The following HOOK1 variants were observed in gnomAD, a reference collection of about 807,000 sequenced individuals.
HOOK1 encodes the protein hook microtubule tethering protein 1.
In HOOK1, 60 loss-of-function variants were observed where a neutral mutation model predicts 112.8. The ratio of observed to expected loss-of-function variants is 0.53; its 90% CI spans 0.43 to 0.66. The LOEUF is 0.66. HOOK1 is among the 30% of genes least tolerant of loss of function. The pLI, the probability that HOOK1 is intolerant of heterozygous loss-of-function variation, is 0.00. For synonymous variants in HOOK1, 294 were observed against 283.8 expected (o/e 1.04, Z -0.36); for missense variants, 770 against 856.0 (o/e 0.90, Z 1.25).
intron 2 of HOOK1, 52 bp from the exon 3 acceptor site, chr1:59,828,728 T>C: frequency 6.6e-7 from 1 of 1,520,494 alleles, no homozygotes; most frequent in Non-Finnish European, 9.1e-7. Flanking sequence ...ATTTAATTTT[T>C]TGTGTAATAA....
chr1:59,846,620 C>G (rs2098404201), intron 9 of HOOK1, among the ~76,000 whole-genome samples: 1 of 136,296 alleles, frequency 7.3e-6, no homozygotes, highest in Admixed American at 7.7e-5. Flanking sequence ...CTCTCTCTCT[C>G]TCATTCTTTC....
intron 21 of HOOK1, among the ~76,000 whole-genome samples, chr1:59,871,432 C>CT (rs1318795759): frequency 6.6e-6 from 1 of 152,062 alleles, no homozygotes; most frequent in Admixed American, 6.6e-5. Context: ...AATTTTTGCC[C>CT]ATAAAAGGTT....
intron 6 of HOOK1, among the ~76,000 whole-genome samples, chr1:59,836,005 AAACAGTCTCTGACCAG>A (rs952050313): frequency 4.6e-5 from 7 of 152,108 alleles, no homozygotes; most frequent in African/African-American, 1.7e-4. Context: ...AACGCAGGAT[AAACAGTCTCTGACCAG>A]AACAGTCTCT....
intron 11 of HOOK1, 111 bp downstream of exon 11, chr1:59,848,627 C>A: frequency 1.5e-6 from 1 of 689,458 alleles, no homozygotes; most frequent in Non-Finnish European, 2.4e-6. Context: ...ATGTAATAAG[C>A]TATGAACTTA....
chr1:59,857,756 A>T (rs2098411471), intron 12 of HOOK1, among the ~76,000 whole-genome samples: 1 of 152,238 alleles, frequency 6.6e-6, no homozygotes, highest in Non-Finnish European at 1.5e-5. Context: ...TGATTTAAAC[A>T]TGAACGTTCT....
At chr1:59,824,689 A>G (rs573397425) in intron 2 of HOOK1, among the ~76,000 whole-genome samples, 81 of 152,302 alleles carry the variant, frequency 5.3e-4, no homozygotes, top group Non-Finnish European at 7.9e-4. Flanking sequence ...ATATCTTTAT[A>G]AAGTGGTGTC....
chr1:59,825,737 T>C (rs1002659435), intron 2 of HOOK1, among the ~76,000 whole-genome samples: 13 of 152,222 alleles, frequency 8.5e-5, no homozygotes, highest in African/African-American at 3.1e-4. Flanking sequence ...GCTGTAATCA[T>C]TGAAATGTAC....
Position 59,865,965 on chromosome 1 carries a change from C to T in HOOK1, c.1838C>T (p.Ala613Val). The T allele has an allele frequency of 1.9e-6, 3 of 1,558,008 alleles. No individual in the cohort carries two copies. The highest frequency in any genetic ancestry group is 2.3e-5 in the East Asian group (1 of 43,150). ...EERYKMYLEK[A>V]RNVIKTLDPK... The stretch of plus-strand genomic sequence containing the variant: ...AGATATAAAATGTACTTGGAGAAAG[C>T]CAGAAATGTGAGTGACTTATCTTTC... Residue 613 changes from alanine to valine, a missense_variant, in exon 19 of 22, where the codon GCC becomes GTC. Ala to Val is a moderately conservative substitution (Grantham distance 64). Coordinates refer to ENST00000371208, the MANE Select transcript of HOOK1 (RefSeq NM_015888.6).
intron 5 of HOOK1, among the ~76,000 whole-genome samples, 191 bp from the exon 6 acceptor site, chr1:59,835,154 G>A (rs1238333637): frequency 1.3e-5 from 2 of 152,104 alleles, no homozygotes; most frequent in Non-Finnish European, 2.9e-5. Context: ...AATCTTGAAA[G>A]AATGAATTCA....
At chr1:59,837,004 A>G in intron 7 of HOOK1, 69 bp downstream of exon 7, 1 of 935,050 alleles carries the variant, frequency 1.1e-6, no homozygotes, top group Non-Finnish European at 1.7e-6. Context: ...TTACTCTCAT[A>G]AGGCTTACAA....
chr1:59,822,816 C>G (rs2098386587), intron 2 of HOOK1, among the ~76,000 whole-genome samples: 1 of 152,174 alleles, frequency 6.6e-6, no homozygotes, highest in South Asian at 2.1e-4. Flanking sequence ...TAACAAAAAT[C>G]CTATGCCTGT....
At chr1:59,864,776 T>A in intron 17 of HOOK1, 110 bp downstream of exon 17, 1 of 712,862 alleles carries the variant, frequency 1.4e-6, no homozygotes, top group South Asian at 1.8e-5. Context: ...ATCCTGATGC[T>A]AATTGATACA....
chr1:59,871,729 A>G (rs1644057959), intron 21 of HOOK1, among the ~76,000 whole-genome samples: 1 of 152,252 alleles, frequency 6.6e-6, no homozygotes, highest in South Asian at 2.1e-4. Context: ...CAGCCAGAAT[A>G]GGCTATTATC....
rs1181993472 is a variant in HOOK1 at position 59,875,203 on chromosome 1, A to G, written c.*2238A>G. ...TTTATTGTAAAACATTAACTTTAAT[A>G]AATTAGTGTTTTCACAGATCAGATC... On this transcript the variant is annotated 3_prime_UTR_variant, in exon 22 of 22. Coordinates refer to ENST00000371208, the MANE Select transcript of HOOK1 (RefSeq NM_015888.6). 6.6e-6 allele frequency: 1 copy of G among 152,552 alleles called. No homozygotes were observed. The highest frequency in any genetic ancestry group is 2.4e-5 in the African/African-American group (1 of 41,444). 9.4% of individuals were successfully genotyped at this position (152,552 alleles called of 1,614,324 possible).
intron 9 of HOOK1, among the ~76,000 whole-genome samples, chr1:59,846,592 T>TCCCTCCCTCCCTCCTC (rs374267510): frequency 2.3e-5 from 1 of 43,348 alleles, no homozygotes; most frequent in Admixed American, 2.6e-4. Context: ...CCTTCCTCCC[T>TCCCTCCCTCCCTCCTC]CCTCCCTCCC....
chr1:59,855,281 C>G (rs1341976040), intron 12 of HOOK1, among the ~76,000 whole-genome samples: 1 of 152,188 alleles, frequency 6.6e-6, no homozygotes, highest in Admixed American at 6.5e-5. Flanking sequence ...GCTCCTCTCT[C>G]TCCACCAACC....
intron 1 of HOOK1, among the ~76,000 whole-genome samples, chr1:59,820,278 A>G (rs1374737685): frequency 6.6e-6 from 1 of 152,174 alleles, no homozygotes; most frequent in African/African-American, 2.4e-5. Context: ...GCCCTGATAT[A>G]GGTATATTTG....
chr1:59,868,890 C>T (rs542861556), intron 20 of HOOK1, among the ~76,000 whole-genome samples: 1 of 152,194 alleles, frequency 6.6e-6, no homozygotes, highest in Non-Finnish European at 1.5e-5. Context: ...TAATGGCATG[C>T]TCTCATCAAT....
rs1037990817 is a variant in HOOK1 at position 59,876,175 on chromosome 1, T to G, written c.*3210T>G. The G allele has an allele frequency of 6.5e-6, 1 of 152,678 alleles. No homozygotes were observed. Among genetic ancestry groups the G allele is most frequent in the Non-Finnish European group, 1.5e-5 (1 of 68,050 alleles). 9.5% of individuals were successfully genotyped at this position (152,678 alleles called of 1,614,324 possible). A position where few individuals can be genotyped will look rare whatever the true frequency, so the allele number is the denominator to read the frequency against. ...AAAAGAGTGTGGAGTTATTAAATGA[T>G]GTAGCACAAATGTAATGTTTAGCTT... On this transcript the variant is annotated 3_prime_UTR_variant, in exon 22 of 22. Transcript: ENST00000371208.
Sources: gnomAD v4.1 joint callset for allele counts (sites outside exome capture counted in the v4.1 genomes callset) on GRCh38, gnomAD v4.1.1 for gene constraint, MANE v1.5 for transcripts, NCBI Gene and HGNC (gene_info 2026-07-23, HGNC 2026-07-21) for gene names.